The following PCDHGA8 variants were observed in gnomAD, a reference collection of about 807,000 sequenced individuals.
PCDHGA8 encodes the protein protocadherin gamma-A8.
A neutral mutation model predicts 59.2 loss-of-function variants in PCDHGA8; 45 were observed. The ratio of observed to expected loss-of-function variants is 0.76; its 90% CI spans 0.60 to 0.98. PCDHGA8 has a LOEUF of 0.98. Among genes scored for constraint, PCDHGA8 ranks in the 50% least tolerant of loss-of-function variants. The pLI is 0.00. For synonymous variants in PCDHGA8, 531 were observed against 519.0 expected (o/e 1.02, Z -0.32); for missense variants, 1,257 against 1,196.2 (o/e 1.05, Z -0.75).
In PCDHGA8 at chr5:141,477,491, C is replaced by T; in HGVS notation, c.2425-17316C>T. 1 of 1,614,154 alleles carries T rather than the reference C, an allele frequency of 6.2e-7. No homozygotes were observed. The highest frequency in any genetic ancestry group is 8.5e-7 in the Non-Finnish European group (1 of 1,180,022). On this transcript the variant is annotated intron_variant, in intron 1 of 3. Coordinates refer to ENST00000398604, the MANE Select transcript of PCDHGA8 (RefSeq NM_032088.2). The surrounding 1 kb of genome is among the most constrained non-coding windows in gnomAD (Gnocchi z 4.9). ...CAATGACAACCCTCCACAATCTTCT[C>T]AATCTTCCTACGACGTTTACATTGA...
At chr5:141,481,718 C>T (rs942120251) in intron 1 of PCDHGA8, among the ~76,000 whole-genome samples, 6 of 152,082 alleles carry the variant, frequency 3.9e-5, no homozygotes, top group East Asian at 1.9e-4. Context: ...CTTTGGGAGG[C>T]GGAGGCGGGC....
At chr5:141,475,684 T>C (rs2099367059) in intron 1 of PCDHGA8, among the ~76,000 whole-genome samples, 1 of 152,228 alleles carries the variant, frequency 6.6e-6, no homozygotes, top group African/African-American at 2.4e-5. Context: ...TTGATTTGGA[T>C]TGGAGACTTG....
intron 1 of PCDHGA8, chr5:141,414,308 T>C: frequency 6.2e-7 from 1 of 1,613,764 alleles, no homozygotes; most frequent in Non-Finnish European, 8.5e-7. Context: ...GTGCATGATT[T>C]AGACTCTGAG....
intron 1 of PCDHGA8, chr5:141,441,971 G>C: frequency 3.3e-6 from 1 of 298,820 alleles, no homozygotes; most frequent in Admixed American, 4.4e-5. Flanking sequence ...AGGCTCTTCA[G>C]CCTGGAATGC....
chr5:141,430,216 A>G (rs1487666733), intron 1 of PCDHGA8, among the ~76,000 whole-genome samples: 1 of 150,536 alleles, frequency 6.6e-6, no homozygotes, highest in Non-Finnish European at 1.5e-5. Flanking sequence ...TTATTATATT[A>G]TATGATTTGT....
intron 1 of PCDHGA8, among the ~76,000 whole-genome samples, chr5:141,473,422 A>C (rs2154571673): frequency 6.6e-6 from 1 of 152,332 alleles, no homozygotes; most frequent in African/African-American, 2.4e-5. Context: ...TGGGGGAAGC[A>C]GATACTTTGC....
Position 141,394,199 on chromosome 5 carries a change from A to T in PCDHGA8, c.1386A>T (p.Leu462=), listed in dbSNP as rs1353569032. The stretch of plus-strand genomic sequence containing the variant: ...ATGCCTCCTACTCAGCGTATATCCT[A>T]GAGAACAACCTGAGAGGAGCCTCCA... ...FPHASYSAYI[L]ENNLRGASIF... The change falls in exon 1 of 4, where the codon CTA becomes CTT. Residue 462 remains leucine, a synonymous_variant. Coordinates refer to ENST00000398604, the MANE Select transcript of PCDHGA8 (RefSeq NM_032088.2). 1 of 1,613,840 alleles carries T rather than the reference A, an allele frequency of 6.2e-7. No individual in the cohort carries two copies. Among genetic ancestry groups the T allele is most frequent in the Non-Finnish European group, 8.5e-7 (1 of 1,179,842 alleles).
intron 2 of PCDHGA8, among the ~76,000 whole-genome samples, chr5:141,503,954 C>T (rs2099834393): frequency 6.6e-6 from 1 of 152,186 alleles, no homozygotes; most frequent in Non-Finnish European, 1.5e-5. Flanking sequence ...GCCTACCCTA[C>T]AGCCTTTCCC....
At position 141,511,227 on chromosome 5, in the gene PCDHGA8, TCTC is replaced by T. The variant is rs2099883680; in HGVS notation, c.*57_*59del. 2 of 1,599,470 alleles carry T rather than the reference TCTC, an allele frequency of 1.3e-6. No homozygotes were observed. Among genetic ancestry groups the T allele is most frequent in the Non-Finnish European group, 1.7e-6 (2 of 1,173,054 alleles). ...CGGCCTCTCCCCAACCAGCCCAGCTTCTCCTTACCTGCACCCAGGCCTCAGAGT... is the reference window on the plus strand; with the variant it reads ...CGGCCTCTCCCCAACCAGCCCAGCTTCTTACCTGCACCCAGGCCTCAGAGT... On this transcript the variant is annotated 3_prime_UTR_variant, in exon 4 of 4. Transcript: ENST00000398604.
chr5:141,500,491 G>A (rs1595677531), intron 2 of PCDHGA8, among the ~76,000 whole-genome samples: 1 of 152,156 alleles, frequency 6.6e-6, no homozygotes, highest in East Asian at 1.9e-4. Context: ...TTACAGGCGT[G>A]AGCCACCGCG....
At chr5:141,404,205 A>G in intron 1 of PCDHGA8, 3 of 1,613,770 alleles carry the variant, frequency 1.9e-6, no homozygotes, top group Non-Finnish European at 1.7e-6. Context: ...GCCTCAGAAT[A>G]TAATATCACG....
Position 141,421,691 on chromosome 5 carries a change from T to A in PCDHGA8, c.2424+26454T>A, listed in dbSNP as rs1175919580. ...GCAATTCCTGGGGCGCGATTTGCTC[T>A]TCCTAATGCTAGGGATCCAGATGTG... On this transcript the variant is annotated intron_variant, in intron 1 of 3. Coordinates refer to ENST00000398604, the MANE Select transcript of PCDHGA8 (RefSeq NM_032088.2). 6.2e-7 allele frequency: 1 copy of A among 1,613,816 alleles called. No individual in the cohort carries two copies. The highest frequency in any genetic ancestry group is 1.3e-5 in the African/African-American group (1 of 74,938).
At position 141,487,636 on chromosome 5, in the gene PCDHGA8, A is replaced by G. The variant is rs780468230; in HGVS notation, c.2425-7171A>G. 3 of 1,614,192 alleles carry G rather than the reference A, an allele frequency of 1.9e-6. No homozygotes were observed. Among genetic ancestry groups the G allele is most frequent in the Non-Finnish European group, 1.7e-6 (2 of 1,180,030 alleles). Reference sequence around the variant, plus strand: ...TAGAGGTGAGACCTTTGCAGGCTCAACAAATGCTTGAGGGTTATTCTGATC... The same window carrying G: ...TAGAGGTGAGACCTTTGCAGGCTCAGCAAATGCTTGAGGGTTATTCTGATC... On this transcript the variant is annotated intron_variant, in intron 1 of 3. Transcript: ENST00000398604. This position sits in a 1 kb window ranked among gnomAD's most constrained non-coding sequence, Gnocchi z 5.0.
At chr5:141,502,191 A>G (rs2099813218) in intron 2 of PCDHGA8, among the ~76,000 whole-genome samples, 1 of 152,170 alleles carries the variant, frequency 6.6e-6, no homozygotes, top group Non-Finnish European at 1.5e-5. Flanking sequence ...TAATACAATA[A>G]TATAGAATCC....
intron 1 of PCDHGA8, chr5:141,413,729 GAGTTC>G: frequency 6.2e-7 from 1 of 1,613,496 alleles, no homozygotes; most frequent in Non-Finnish European, 8.5e-7. Flanking sequence ...TTCTCCCTAA[GAGTTC>G]AGAGCCGTGC....
At chr5:141,449,273 C>T (rs1168190907) in intron 1 of PCDHGA8, among the ~76,000 whole-genome samples, 1 of 151,982 alleles carries the variant, frequency 6.6e-6, no homozygotes, top group Non-Finnish European at 1.5e-5. Flanking sequence ...ACTGTATCTC[C>T]TTCACCCGGA....
rs751153896 is a variant in PCDHGA8, at chr5:141,477,514, T to C, written c.2425-17293T>C. On this transcript the variant is annotated intron_variant, in intron 1 of 3. Transcript: ENST00000398604. The surrounding 1 kb of genome is among the most constrained non-coding windows in gnomAD (Gnocchi z 4.9). ...CTCAATCTTCCTACGACGTTTACAT[T>C]GAAGAAAACAACCTCCCCGGGGCTC... is the stretch of plus-strand genomic sequence containing the variant. 2 of 1,614,114 alleles carry C rather than the reference T, an allele frequency of 1.2e-6. No individual in the cohort carries two copies. The highest frequency in any genetic ancestry group is 2.2e-5 in the East Asian group (1 of 44,878).
At chr5:141,457,554 G>A (rs2098924282) in intron 1 of PCDHGA8, among the ~76,000 whole-genome samples, 1 of 152,166 alleles carries the variant, frequency 6.6e-6, no homozygotes, top group Admixed American at 6.5e-5. Flanking sequence ...TGTATGATAA[G>A]CTTTGGAGCA....
rs1212381177 is a variant in PCDHGA8 at position 141,438,571 on chromosome 5, TATACATAC to T, written c.2424+43350_2424+43357del. On this transcript the variant is annotated intron_variant, in intron 1 of 3. Coordinates refer to ENST00000398604, the MANE Select transcript of PCDHGA8 (RefSeq NM_032088.2). Reference sequence around the variant, plus strand: ...GCCCTAATAAGAGGCAGCTGTCTGATATACATACATACATACATACATATATATATATA... The same window carrying T: ...GCCCTAATAAGAGGCAGCTGTCTGATATACATACATACATATATATATATA... Among the ~76,000 whole-genome samples the T allele has an allele frequency of 2.8e-4, 26 of 94,536 alleles. 1 individual carries two copies. Among genetic ancestry groups the T allele is most frequent in the South Asian group, 1.0e-3 (3 of 2,950 alleles). 62.0% of individuals were successfully genotyped at this position (94,536 alleles called of 152,430 possible). A position where few individuals can be genotyped will look rare whatever the true frequency, so the allele number is the denominator to read the frequency against.
Sources: gnomAD v4.1 joint callset for allele counts (sites outside exome capture counted in the v4.1 genomes callset) on GRCh38, gnomAD v4.1.1 for gene constraint, Gnocchi (gnomAD v3.1) non-coding constraint, MANE v1.5 for transcripts, NCBI Gene and HGNC (gene_info 2026-07-23, HGNC 2026-07-21) for gene names.